ZNF280C: variants seen among roughly 807,000 people sequenced by gnomAD.
ZNF280C encodes the protein suppressor of hairy wing homolog 3.
In ZNF280C, 14 loss-of-function variants were observed where a neutral mutation model predicts 53.6. The observed-to-expected ratio is 0.26, with a 90% CI of 0.17 to 0.41. The LOEUF (loss-of-function observed/expected upper bound fraction) is 0.41, where lower values mean the gene tolerates loss of function less well. ZNF280C is among the 10% of genes least tolerant of loss of function. The probability of loss-of-function intolerance (pLI) is 1.00; values close to 1 mark genes in which losing one functional copy is unlikely to be tolerated. For missense variants in ZNF280C, 416 were observed against 547.1 expected (o/e 0.76, Z 2.39); for synonymous variants, 203 against 181.1 (o/e 1.12, Z -0.97).
At chrX:130,222,448 TAAAG>T (rs1389307189) in intron 12 of ZNF280C, among the ~76,000 whole-genome samples, 3 of 111,255 alleles carry the variant, frequency 2.7e-5, no homozygotes, top group Non-Finnish European at 5.7e-5. Flanking sequence ...ATTTCTTAAA[TAAAG>T]AAATAAAGTG....
At chrX:130,225,603 T>C (rs1233990956) in intron 12 of ZNF280C, among the ~76,000 whole-genome samples, 3 of 108,816 alleles carry the variant, frequency 2.8e-5, no homozygotes, top group African/African-American at 1.0e-4. Flanking sequence ...GAGTGAACAC[T>C]GTTGGTGGAA....
At chrX:130,251,282 C>CAAAAAAAAAAAAAAAAAAAAAAAAAAAA (rs61571389) in intron 2 of ZNF280C, among the ~76,000 whole-genome samples, 2 of 15,357 alleles carry the variant, frequency 1.3e-4, no homozygotes. Flanking sequence ...GGACCTGTCT[C>CAAAAAAAAAAAAAAAAAAAAAAAAAAAA]AAAAAAAAAA....
chrX:130,219,856 T>C (rs1255771883), intron 13 of ZNF280C, among the ~76,000 whole-genome samples: 2 of 110,534 alleles, frequency 1.8e-5, no homozygotes, highest in African/African-American at 6.6e-5. Flanking sequence ...GCACTAGAAA[T>C]ATCCCTCCAA....
intron 12 of ZNF280C, among the ~76,000 whole-genome samples, chrX:130,222,613 G>A (rs2032179816): frequency 8.9e-6 from 1 of 112,138 alleles, no homozygotes; most frequent in African/African-American, 3.2e-5. Flanking sequence ...TCAAGTCCTG[G>A]ATATCCCTCT....
At chrX:130,240,981 A>G (rs1250541235) in intron 5 of ZNF280C, among the ~76,000 whole-genome samples, 2 of 112,046 alleles carry the variant, frequency 1.8e-5, no homozygotes, top group Non-Finnish European at 3.8e-5. Context: ...CAGTATGAAT[A>G]AAGACCTAAT....
chrX:130,221,978 A>G (rs1377865480), intron 12 of ZNF280C, among the ~76,000 whole-genome samples: 3 of 110,722 alleles, frequency 2.7e-5, no homozygotes, highest in African/African-American at 9.9e-5. Flanking sequence ...ATCTCCTACT[A>G]CTTTTCCTCT....
intron 10 of ZNF280C, 88 bp from the exon 11 acceptor site, chrX:130,227,870 AG>A (rs2032236298): frequency 4.0e-6 from 2 of 502,410 alleles, no homozygotes; most frequent in African/African-American, 2.4e-5. Flanking sequence ...TAATAATAAT[AG>A]TAGAAGTAAC....
At chrX:130,212,289 G>C (rs759433631) in intron 15 of ZNF280C, among the ~76,000 whole-genome samples, 5 of 111,825 alleles carry the variant, frequency 4.5e-5, no homozygotes, top group Non-Finnish European at 9.4e-5. Flanking sequence ...ACTCGGCTTT[G>C]AAATCTAGAG....
intron 2 of ZNF280C, 47 bp downstream of exon 2, chrX:130,260,372 G>A (rs150094252): frequency 2.7e-6 from 3 of 1,124,642 alleles, no homozygotes; most frequent in Non-Finnish European, 3.6e-6. Context: ...AAGGTTTACA[G>A]TACAAAAACC....
chrX:130,220,405 G>A lies in ZNF280C; in HGVS notation c.1471C>T (p.Gln491Ter), dbSNP rs1385414486. ...TSKEKAEHKA[Q>*]HRTFIKPKEL... ...TTAGGCTTTATAAATGTACGATGCT[G>A]CGCCTTATGTTCAGCTTTCTCCTTG... The change falls in exon 13 of 19, where the codon CAG becomes TAG. Residue 491 changes from glutamine to a stop codon, truncating the protein, a stop_gained. Transcript: ENST00000370978. LOFTEE classifies it high-confidence loss of function. 8.3e-7 allele frequency: 1 copy of A among 1,201,002 alleles called. No homozygotes were observed. Among genetic ancestry groups the A allele is most frequent in the Non-Finnish European group, 1.1e-6 (1 of 891,163 alleles).
At chrX:130,207,553 G>A (rs1174876820) in intron 16 of ZNF280C, among the ~76,000 whole-genome samples, 3 of 110,550 alleles carry the variant, frequency 2.7e-5, no homozygotes, top group African/African-American at 9.9e-5. Flanking sequence ...GTAGAGATGG[G>A]GTTTTGCCAT....
chrX:130,242,731 G>A (rs1273828551), intron 5 of ZNF280C, among the ~76,000 whole-genome samples: 5 of 111,623 alleles, frequency 4.5e-5, no homozygotes, highest in Non-Finnish European at 7.5e-5. Context: ...TAGTAGAGAC[G>A]GGGTTTCACC....
At chrX:130,261,907 A>G (rs1303640265) in intron 1 of ZNF280C, among the ~76,000 whole-genome samples, 1 of 111,189 alleles carries the variant, frequency 9.0e-6, no homozygotes, top group African/African-American at 3.3e-5. Context: ...CGCATACCAC[A>G]GCCTTGAACT....
chrX:130,214,892 T>C (rs1280243568), intron 15 of ZNF280C, among the ~76,000 whole-genome samples: 1 of 111,859 alleles, frequency 8.9e-6, no homozygotes, highest in Non-Finnish European at 1.9e-5. Context: ...TAACATTTTA[T>C]GTTAAAAAAT....
chrX:130,246,885 A>C lies in ZNF280C; in HGVS notation c.152T>G (p.Ile51Arg), dbSNP rs2032456013. 3 of 1,207,890 alleles carry C rather than the reference A, an allele frequency of 2.5e-6. No individual in the cohort carries two copies. The highest frequency in any genetic ancestry group is 1.8e-5 in the South Asian group (1 of 55,778). The change falls in exon 3 of 19, where the codon ATA becomes AGA. Residue 51 changes from isoleucine (I) to arginine (R), a missense_variant. Coordinates refer to ENST00000370978, the MANE Select transcript of ZNF280C (RefSeq NM_017666.5). ...DDDELIFVGE[I>R]SSSKPAISNI... is the part of the protein sequence containing the mutation. ...TGAAATGGCTGGTTTTGAACTTGAT[A>C]TCTCTCCAACAAAGATCAGTTCATC...
At chrX:130,216,667 T>C (rs1303937632) in intron 13 of ZNF280C, among the ~76,000 whole-genome samples, 2 of 111,801 alleles carry the variant, frequency 1.8e-5, no homozygotes, top group African/African-American at 6.5e-5. Flanking sequence ...CCTCATACAT[T>C]GCTGGTGGGA....
chrX:130,239,012 A>C (rs2124707842), intron 6 of ZNF280C, among the ~76,000 whole-genome samples: 2 of 111,550 alleles, frequency 1.8e-5, no homozygotes, highest in East Asian at 5.6e-4. Context: ...GTGGACATCA[A>C]AGAACTGTAA....
chrX:130,262,111 C>T (rs1173201717), intron 1 of ZNF280C, among the ~76,000 whole-genome samples: 1 of 111,861 alleles, frequency 8.9e-6, no homozygotes, highest in East Asian at 2.8e-4. Context: ...GCTTTTGAGG[C>T]CCAATGCAGC....
intron 15 of ZNF280C, 110 bp downstream of exon 15, chrX:130,215,083 C>T (rs986603897): frequency 1.3e-6 from 1 of 787,233 alleles, no homozygotes; most frequent in African/African-American, 2.1e-5. Flanking sequence ...ATTGCTAGAC[C>T]CTTTTAGTTC....
Sources: allele counts gnomAD v4.1 joint callset (sites outside exome capture counted in the v4.1 genomes callset), GRCh38; gene constraint gnomAD v4.1.1; transcripts MANE v1.5; gene names NCBI Gene and HGNC (gene_info 2026-07-23, HGNC 2026-07-21).